Variants in FSTL5 observed in about 807,000 individuals in gnomAD.
FSTL5 encodes follistatin like 5.
Under a neutral mutation model 89.1 loss-of-function variants are expected in FSTL5, and 62 were observed. The observed-to-expected ratio is 0.70, with a 90% CI of 0.57 to 0.86. FSTL5 has a LOEUF of 0.86. FSTL5 is among the 40% of genes least tolerant of loss of function. FSTL5 has a pLI of 0.00. For missense variants in FSTL5, 1,057 were observed against 1,001.6 expected (o/e 1.06, Z -0.75); for synonymous variants, 383 against 346.2 (o/e 1.11, Z -1.18).
intron 2 of FSTL5, among the ~76,000 whole-genome samples, chr4:162,106,116 AC>A (rs1377007677): frequency 1.3e-5 from 2 of 152,130 alleles, no homozygotes; most frequent in Non-Finnish European, 2.9e-5. Context: ...ATAAATAGCA[AC>A]CCTCTTAGGA....
rs5863476 is a variant in FSTL5 at position 161,693,636 on chromosome 4, C to CTTTTT, written c.728-37147_728-37143dup. Among the ~76,000 whole-genome samples, 104 of 105,304 alleles carry CTTTTT rather than the reference C, an allele frequency of 9.9e-4. 1 individual carries two copies. Among genetic ancestry groups the CTTTTT allele is most frequent in the Non-Finnish European group, 1.2e-3 (70 of 57,332 alleles). The allele number at this position is 105,304 out of a possible 152,430, so 69.1% of individuals were successfully genotyped here. A position where few individuals can be genotyped will look rare whatever the true frequency, so the allele number is the denominator to read the frequency against. ...ATGTTGATAGTATTTTCTTGTAAAT[C>CTTTTT]TTTTTTTTTTTTTTTTTTTTGAGAC... On this transcript the variant is annotated intron_variant, in intron 6 of 15. Transcript: ENST00000306100.
chr4:162,112,126 T>C (rs1392446570), intron 1 of FSTL5, among the ~76,000 whole-genome samples: 1 of 152,204 alleles, frequency 6.6e-6, no homozygotes. Flanking sequence ...AATCTAAGCT[T>C]TGAGTTCAAG....
At chr4:161,672,405 G>T (rs1267829352) in intron 6 of FSTL5, among the ~76,000 whole-genome samples, 2 of 152,108 alleles carry the variant, frequency 1.3e-5, no homozygotes, top group Non-Finnish European at 2.9e-5. Flanking sequence ...CTGTGTGAGA[G>T]CACAGGAGCC....
At chr4:161,774,039 A>G (rs115504063) in intron 5 of FSTL5, among the ~76,000 whole-genome samples, 3,138 of 152,240 alleles carry the variant, frequency 0.021, 42 homozygotes, top group Non-Finnish European at 0.028. Context: ...AGACTGGTGG[A>G]TCACGAGGTC....
chr4:162,138,224 A>G (rs1441532084), intron 1 of FSTL5, among the ~76,000 whole-genome samples: 1 of 152,144 alleles, frequency 6.6e-6, no homozygotes, highest in Non-Finnish European at 1.5e-5. Flanking sequence ...ATCCAGCTCT[A>G]TTCTGAATTT....
At position 161,779,749 on chromosome 4, in the gene FSTL5, A is replaced by ATTTGATTT. The variant is rs1741552173; in HGVS notation, c.410-3676_410-3675insAAATCAAA. Among the ~76,000 whole-genome samples the ATTTGATTT allele has an allele frequency of 1.6e-5, 2 of 121,656 alleles. 1 individual carries two copies. The highest frequency in any genetic ancestry group is 3.4e-5 in the Non-Finnish European group (2 of 58,488). 79.8% of individuals were successfully genotyped at this position (121,656 alleles called of 152,430 possible). ...GAATTCTGTAATTTGTCCAAGGATT[A>ATTTGATTT]TTTGTAAAGTTATATATATATATAT... On this transcript the variant is annotated intron_variant, in intron 4 of 15. Coordinates refer to ENST00000306100, the MANE Select transcript of FSTL5 (RefSeq NM_020116.5).
intron 13 of FSTL5, among the ~76,000 whole-genome samples, chr4:161,468,688 A>G (rs900602501): frequency 6.6e-6 from 1 of 151,990 alleles, no homozygotes; most frequent in Non-Finnish European, 1.5e-5. Context: ...CTTGTGTTTC[A>G]TGTCATTAAC....
intron 3 of FSTL5, among the ~76,000 whole-genome samples, chr4:162,016,459 C>T (rs1414391715): frequency 6.6e-6 from 1 of 152,154 alleles, no homozygotes; most frequent in Non-Finnish European, 1.5e-5. Context: ...AAGGAAGCAA[C>T]ATTACAACCA....
intron 15 of FSTL5, among the ~76,000 whole-genome samples, chr4:161,445,122 A>G (rs1186845352): frequency 6.6e-6 from 1 of 152,002 alleles, no homozygotes; most frequent in Non-Finnish European, 1.5e-5. Context: ...GTAAATTCAG[A>G]CTTTAAAATC....
chr4:161,397,869 T>A (rs1731059093), intron 15 of FSTL5, among the ~76,000 whole-genome samples: 1 of 151,952 alleles, frequency 6.6e-6, no homozygotes, highest in Non-Finnish European at 1.5e-5. Flanking sequence ...ATTACTCATA[T>A]AAGGGAGGAA....
At chr4:161,937,692 C>A (rs1734469460) in intron 3 of FSTL5, among the ~76,000 whole-genome samples, 1 of 152,058 alleles carries the variant, frequency 6.6e-6, no homozygotes, top group South Asian at 2.1e-4. Flanking sequence ...CTTTTCATGC[C>A]CTGATACTGA....
At chr4:161,553,727 T>C (rs1174229314) in intron 8 of FSTL5, among the ~76,000 whole-genome samples, 2 of 151,576 alleles carry the variant, frequency 1.3e-5, no homozygotes, top group African/African-American at 4.8e-5. Flanking sequence ...TGAATTAGAT[T>C]GTTAGCTATA....
At chr4:161,649,707 T>C (rs1277053654) in intron 7 of FSTL5, among the ~76,000 whole-genome samples, 1 of 152,190 alleles carries the variant, frequency 6.6e-6, no homozygotes, top group Non-Finnish European at 1.5e-5. Context: ...GAATGCTGAG[T>C]AGTATGCCGA....
intron 4 of FSTL5, among the ~76,000 whole-genome samples, chr4:161,842,081 C>T (rs146394809): frequency 1.6e-3 from 243 of 152,158 alleles, no homozygotes; most frequent in African/African-American, 4.2e-3. Flanking sequence ...ATCGCATAAT[C>T]AAAAACAGGT....
chr4:161,999,362 T>G (rs1398023034), intron 3 of FSTL5, among the ~76,000 whole-genome samples: 1 of 152,214 alleles, frequency 6.6e-6, no homozygotes, highest in African/African-American at 2.4e-5. Context: ...AGTTAAACTT[T>G]AAATTAGTAT....
intron 4 of FSTL5, among the ~76,000 whole-genome samples, chr4:161,881,741 C>T (rs1391320704): frequency 6.6e-6 from 1 of 152,070 alleles, no homozygotes; most frequent in East Asian, 1.9e-4. Flanking sequence ...TCTACTTTCC[C>T]TAACGCAGGC....
chr4:161,987,750 A>G (rs1736006926), intron 3 of FSTL5, among the ~76,000 whole-genome samples: 1 of 151,512 alleles, frequency 6.6e-6, no homozygotes, highest in African/African-American at 2.4e-5. Context: ...AACAAATGCT[A>G]ACTTGCAGGC....
intron 4 of FSTL5, among the ~76,000 whole-genome samples, chr4:161,891,113 GTA>G (rs1732975954): frequency 6.6e-6 from 1 of 151,834 alleles, no homozygotes; most frequent in African/African-American, 2.4e-5. Context: ...ATTATTATTT[GTA>G]TTTCCAGTTG....
At chr4:161,577,783 G>A (rs1733282479) in intron 8 of FSTL5, among the ~76,000 whole-genome samples, 2 of 152,104 alleles carry the variant, frequency 1.3e-5, no homozygotes, top group South Asian at 4.1e-4. Flanking sequence ...ACTACAATCA[G>A]GGAGCTTACA....
Sources: gnomAD v4.1 joint callset for allele counts (sites outside exome capture counted in the v4.1 genomes callset) on GRCh38, gnomAD v4.1.1 for gene constraint, MANE v1.5 for transcripts, NCBI Gene and HGNC (gene_info 2026-07-23, HGNC 2026-07-21) for gene names.